The following HPSE2 variants were observed in gnomAD, a reference collection of about 807,000 sequenced individuals.
HPSE2 encodes the protein inactive heparanase-2.
HPSE2 carries 38 observed loss-of-function variants against 60.5 expected under a neutral mutation model. That is an observed-to-expected ratio of 0.63 (90% CI 0.48 to 0.82). The LOEUF is 0.82. HPSE2 is among the 40% of genes least tolerant of loss of function. The pLI is 0.00. For synonymous variants in HPSE2, 295 were observed against 293.2 expected (o/e 1.01, Z -0.06); for missense variants, 713 against 740.4 (o/e 0.96, Z 0.43).
intron 9 of HPSE2, among the ~76,000 whole-genome samples, chr10:98,547,800 TATA>T (rs983286908): frequency 1.3e-5 from 2 of 151,350 alleles, no homozygotes; most frequent in Admixed American, 6.6e-5. Context: ...AAACTTAAAG[TATA>T]ATAATAATAA....
At chr10:98,695,591 T>C (rs1476698362) in intron 5 of HPSE2, among the ~76,000 whole-genome samples, 1 of 152,198 alleles carries the variant, frequency 6.6e-6, no homozygotes, top group Non-Finnish European at 1.5e-5. Context: ...ATTACCAGCT[T>C]CCCTATTGCC....
intron 2 of HPSE2, among the ~76,000 whole-genome samples, chr10:99,171,180 C>T (rs1396232863): frequency 2.0e-5 from 3 of 152,116 alleles, no homozygotes; most frequent in South Asian, 4.1e-4. Context: ...AAGAGGACTG[C>T]GTTTAGATAA....
chr10:98,902,049 A>G (rs529005543), intron 3 of HPSE2, among the ~76,000 whole-genome samples: 1 of 152,276 alleles, frequency 6.6e-6, no homozygotes, highest in Non-Finnish European at 1.5e-5. Context: ...TCATGTAATC[A>G]CAACTCATAC....
chr10:98,827,656 A>C (rs1434620658), intron 3 of HPSE2, among the ~76,000 whole-genome samples: 1 of 152,238 alleles, frequency 6.6e-6, no homozygotes, highest in African/African-American at 2.4e-5. Context: ...TAAGTAAGGT[A>C]GTCAAAAGAC....
At chr10:98,811,946 T>C (rs911557259) in intron 3 of HPSE2, among the ~76,000 whole-genome samples, 1 of 152,164 alleles carries the variant, frequency 6.6e-6, no homozygotes, top group African/African-American at 2.4e-5. Flanking sequence ...ATACTATATT[T>C]TAAAGTCTCA....
intron 3 of HPSE2, chr10:99,013,259 T>C (rs1217321505): frequency 1.6e-6 from 1 of 639,444 alleles, no homozygotes; most frequent in Non-Finnish European, 3.0e-6. Context: ...TTTTAACATC[T>C]TGTTTATTAG....
At chr10:99,145,602 T>TGG (rs34738596) in intron 2 of HPSE2, among the ~76,000 whole-genome samples, 74,724 of 151,868 alleles carry the variant, frequency 0.49, 20,846 homozygotes, top group East Asian at 0.65. Flanking sequence ...GTAATCTAGG[T>TGG]GGCAACTCTA....
chr10:98,574,009 A>T (rs1416841664), intron 9 of HPSE2, among the ~76,000 whole-genome samples: 2 of 152,162 alleles, frequency 1.3e-5, no homozygotes, highest in African/African-American at 2.4e-5. Flanking sequence ...TTTACCCCAA[A>T]AAGAAACCCT....
chr10:99,132,257 A>C (rs1040380521), intron 3 of HPSE2, among the ~76,000 whole-genome samples: 3 of 145,866 alleles, frequency 2.1e-5, no homozygotes, highest in Non-Finnish European at 4.5e-5. Flanking sequence ...GAAAGAAAGA[A>C]AGAAAGAAAG....
intron 3 of HPSE2, among the ~76,000 whole-genome samples, chr10:98,975,100 T>C (rs1956054954): frequency 6.6e-6 from 1 of 152,244 alleles, no homozygotes; most frequent in Admixed American, 6.5e-5. Flanking sequence ...TTTATTTTCT[T>C]CCGCCTTATT....
intron 3 of HPSE2, among the ~76,000 whole-genome samples, chr10:98,876,388 C>A (rs932261221): frequency 6.6e-6 from 1 of 151,742 alleles, no homozygotes; most frequent in Admixed American, 6.6e-5. Context: ...CAAGAGGCAG[C>A]GCCTTCCAAA....
chr10:99,067,859 T>G (rs1294731003), intron 3 of HPSE2, among the ~76,000 whole-genome samples: 1 of 152,244 alleles, frequency 6.6e-6, no homozygotes, highest in East Asian at 1.9e-4. Flanking sequence ...AAATGGGTTT[T>G]TCTTTTCTAT....
At chr10:99,273,722 C>T in the HPSE2 span, among the ~76,000 whole-genome samples, 3 of 152,134 alleles carry the variant, frequency 2.0e-5, no homozygotes, top group Non-Finnish European at 4.4e-5. Flanking sequence ...GAAGGACAGA[C>T]AGATGGATGA....
intron 9 of HPSE2, among the ~76,000 whole-genome samples, chr10:98,518,226 G>A (rs1942666673): frequency 6.6e-6 from 1 of 152,206 alleles, no homozygotes; most frequent in Non-Finnish European, 1.5e-5. Context: ...ACCCATGGGT[G>A]AGAGGTCTGC....
chr10:99,073,278 T>C (rs1015620079), intron 3 of HPSE2, among the ~76,000 whole-genome samples: 19 of 152,104 alleles, frequency 1.2e-4, no homozygotes, highest in Non-Finnish European at 1.9e-4. Flanking sequence ...AGATACACAA[T>C]GGAATACTAT....
intron 7 of HPSE2, among the ~76,000 whole-genome samples, chr10:98,628,120 G>C (rs1390419404): frequency 6.6e-6 from 1 of 152,194 alleles, no homozygotes; most frequent in Non-Finnish European, 1.5e-5. Flanking sequence ...GGTTCTAGGA[G>C]TAGTCAGTAC....
chr10:98,672,622 CA>C (rs1947535532), intron 6 of HPSE2, among the ~76,000 whole-genome samples: 1 of 152,126 alleles, frequency 6.6e-6, no homozygotes, highest in African/African-American at 2.4e-5. Context: ...AGAAAGTGGA[CA>C]CTTTTCCTAA....
chr10:98,892,483 T>C (rs1219863795), intron 3 of HPSE2, among the ~76,000 whole-genome samples: 1 of 152,126 alleles, frequency 6.6e-6, no homozygotes, highest in Non-Finnish European at 1.5e-5. Context: ...GACATGGGAG[T>C]AAGCAAAAGA....
At chr10:98,530,949 G>T (rs760900396) in intron 9 of HPSE2, among the ~76,000 whole-genome samples, 1 of 152,086 alleles carries the variant, frequency 6.6e-6, no homozygotes, top group Non-Finnish European at 1.5e-5. Context: ...AGTCATTTCT[G>T]CCCTTGATTT....
Sources: gnomAD v4.1 joint callset for allele counts (sites outside exome capture counted in the v4.1 genomes callset) on GRCh38, gnomAD v4.1.1 for gene constraint, MANE v1.5 for transcripts, NCBI Gene and HGNC (gene_info 2026-07-23, HGNC 2026-07-21) for gene names.